The following SEMA6D variants were observed in gnomAD, a reference collection of about 807,000 sequenced individuals.
SEMA6D encodes the protein semaphorin-6D.
A neutral mutation model predicts 106.6 loss-of-function variants in SEMA6D; 35 were observed. The ratio of observed to expected loss-of-function variants is 0.33; its 90% CI spans 0.25 to 0.44. SEMA6D has a LOEUF of 0.44. Ranked by LOEUF, SEMA6D falls within the 20% of genes least tolerant of loss-of-function variation. The pLI is 1.00. For missense variants in SEMA6D, 1,185 were observed against 1,345.9 expected (o/e 0.88, Z 1.87); for synonymous variants, 499 against 487.7 (o/e 1.02, Z -0.31).
At chr15:47,281,676 G>T (rs1375810670) in intron 1 of SEMA6D, among the ~76,000 whole-genome samples, 1 of 151,922 alleles carries the variant, frequency 6.6e-6, no homozygotes, top group Non-Finnish European at 1.5e-5. Context: ...CTATTTTTTT[G>T]ATATAATGTC....
chr15:47,711,899 CTA>C (rs1402188718), intron 4 of SEMA6D, among the ~76,000 whole-genome samples: 1 of 152,128 alleles, frequency 6.6e-6, no homozygotes, highest in Non-Finnish European at 1.5e-5. Context: ...CTCCCTGTAC[CTA>C]TAATGTAGGG....
At chr15:47,613,472 C>T (rs532486481) in intron 4 of SEMA6D, among the ~76,000 whole-genome samples, 1 of 152,178 alleles carries the variant, frequency 6.6e-6, no homozygotes, top group African/African-American at 2.4e-5. Flanking sequence ...CAAACAAATG[C>T]ACTCATAATA....
At chr15:47,533,490 A>G (rs1396969672) in intron 3 of SEMA6D, among the ~76,000 whole-genome samples, 1 of 152,190 alleles carries the variant, frequency 6.6e-6, no homozygotes, top group Admixed American at 6.5e-5. Context: ...AAGTGTTTTC[A>G]TTCGGTCATT....
intron 1 of SEMA6D, among the ~76,000 whole-genome samples, chr15:47,230,451 A>G (rs1566940048): frequency 6.6e-6 from 1 of 152,050 alleles, no homozygotes; most frequent in East Asian, 1.9e-4. Context: ...CTATAGTGTC[A>G]GTTGTGTGAG....
intron 1 of SEMA6D, among the ~76,000 whole-genome samples, chr15:47,315,637 C>T (rs554301318): frequency 9.2e-4 from 140 of 152,264 alleles, no homozygotes; most frequent in African/African-American, 3.2e-3. Flanking sequence ...TACAAAATAA[C>T]TTGAAGGGAT....
chr15:47,316,357 G>T (rs779681305), intron 1 of SEMA6D, among the ~76,000 whole-genome samples: 11 of 151,890 alleles, frequency 7.2e-5, no homozygotes, highest in Non-Finnish European at 1.5e-4. Context: ...CTCCCAAAGT[G>T]CTGGGATTAC....
intron 1 of SEMA6D, among the ~76,000 whole-genome samples, chr15:47,268,590 G>T (rs1005630192): frequency 2.0e-5 from 3 of 152,106 alleles, no homozygotes; most frequent in Non-Finnish European, 4.4e-5. Flanking sequence ...TCCCACCTCT[G>T]TGTATGTTGT....
intron 3 of SEMA6D, among the ~76,000 whole-genome samples, chr15:47,599,415 G>T (rs2076599734): frequency 6.7e-6 from 1 of 149,436 alleles, no homozygotes; most frequent in Non-Finnish European, 1.5e-5. Context: ...AGCAACAGAG[G>T]TTGGAGATCT....
intron 2 of SEMA6D, among the ~76,000 whole-genome samples, chr15:47,458,053 ATC>A (rs1210193046): frequency 6.6e-6 from 1 of 151,960 alleles, no homozygotes; most frequent in African/African-American, 2.4e-5. Context: ...TCAGCAAAAT[ATC>A]TCTCAAAACC....
At chr15:47,283,355 G>T (rs1199124111) in intron 1 of SEMA6D, among the ~76,000 whole-genome samples, 1 of 152,220 alleles carries the variant, frequency 6.6e-6, no homozygotes, top group Non-Finnish European at 1.5e-5. Flanking sequence ...TGGAGGCTGT[G>T]ACACCACAAG....
chr15:47,615,450 T>G lies in SEMA6D; in HGVS notation c.-55+14554T>G, dbSNP rs561966586. On this transcript the variant is annotated intron_variant, in intron 4 of 19. Transcript: ENST00000558014. ...TTCCATGACTCTAGTTTTCTCACAG[T>G]TATTTTCTCTTTTTTAACTGTAAAA... Among the ~76,000 whole-genome samples the G allele has an allele frequency of 1.2e-3, 183 of 152,326 alleles. 4 individuals are homozygous for G. Among genetic ancestry groups the G allele is most frequent in the Non-Finnish European group, 2.2e-4 (15 of 68,024 alleles).
At chr15:47,516,109 A>G (rs1298383930) in intron 3 of SEMA6D, among the ~76,000 whole-genome samples, 1 of 152,146 alleles carries the variant, frequency 6.6e-6, no homozygotes, top group African/African-American at 2.4e-5. Flanking sequence ...GCCATGTGGA[A>G]TGGATGGCTT....
intron 3 of SEMA6D, among the ~76,000 whole-genome samples, chr15:47,487,413 C>T (rs1439299192): frequency 2.0e-5 from 3 of 152,170 alleles, no homozygotes; most frequent in Non-Finnish European, 4.4e-5. Context: ...ATTTATAATA[C>T]ATGTACATGT....
intron 2 of SEMA6D, among the ~76,000 whole-genome samples, chr15:47,466,448 T>A (rs145274464): frequency 2.0e-5 from 3 of 152,266 alleles, no homozygotes; most frequent in Non-Finnish European, 4.4e-5. Flanking sequence ...TAGCATAATG[T>A]CCTCAAAGTT....
intron 3 of SEMA6D, among the ~76,000 whole-genome samples, chr15:47,596,470 C>A (rs2076538290): frequency 6.6e-6 from 1 of 151,950 alleles, no homozygotes; most frequent in Non-Finnish European, 1.5e-5. Flanking sequence ...CACCAAATAG[C>A]CAAAGCAATC....
At chr15:47,231,304 C>T (rs1271656952) in intron 1 of SEMA6D, among the ~76,000 whole-genome samples, 1 of 151,976 alleles carries the variant, frequency 6.6e-6, no homozygotes, top group African/African-American at 2.4e-5. Context: ...ATTTTCAGCA[C>T]ACCAAAACCA....
At chr15:47,681,361 T>C (rs960292961) in intron 4 of SEMA6D, among the ~76,000 whole-genome samples, 4 of 152,204 alleles carry the variant, frequency 2.6e-5, no homozygotes, top group African/African-American at 9.7e-5. Flanking sequence ...GGACAAATAC[T>C]GTATGATTCC....
intron 1 of SEMA6D, among the ~76,000 whole-genome samples, chr15:47,247,115 T>G (rs1404793323): frequency 6.6e-6 from 1 of 152,138 alleles, no homozygotes; most frequent in Non-Finnish European, 1.5e-5. Context: ...ACACTAGAAA[T>G]ATAAGATCCA....
rs1567126722 is a variant in SEMA6D at position 47,771,837 on chromosome 15, G to C, written c.*52G>C. 11 of 1,524,936 alleles carry C rather than the reference G, an allele frequency of 7.2e-6. No homozygotes were observed. Among genetic ancestry groups the C allele is most frequent in the Non-Finnish European group, 9.8e-6 (11 of 1,120,050 alleles). 94.5% of individuals were successfully genotyped at this position (1,524,936 alleles called of 1,614,324 possible). On this transcript the variant is annotated 3_prime_UTR_variant, in exon 19 of 19. Coordinates refer to ENST00000536845, the MANE Select transcript of SEMA6D (RefSeq NM_001358351.3). ...CTTTATCCTGTCCGTGTTGTTGAGA[G>C]GATGATGTTGTAAGGGTACCTTAAA...
Sources: gnomAD v4.1 joint callset for allele counts (sites outside exome capture counted in the v4.1 genomes callset) on GRCh38, gnomAD v4.1.1 for gene constraint, MANE v1.5 for transcripts, NCBI Gene and HGNC (gene_info 2026-07-23, HGNC 2026-07-21) for gene names.